Variants in TYW1B observed in about 807,000 individuals in gnomAD.
TYW1B encodes the protein tRNA-yW synthesizing protein 1 homolog B.
A neutral mutation model predicts 86.9 loss-of-function variants in TYW1B; 73 were observed. The ratio of observed to expected loss-of-function variants is 0.84; its 90% CI spans 0.70 to 1.02. The LOEUF is 1.02. Among genes scored for constraint, TYW1B ranks in the 50% least tolerant of loss-of-function variants. The probability of loss-of-function intolerance (pLI) is 0.00; values close to 1 mark genes in which losing one functional copy is unlikely to be tolerated. For missense variants in TYW1B, 637 were observed against 827.4 expected (o/e 0.77, Z 2.82); for synonymous variants, 248 against 292.8 (o/e 0.85, Z 1.56).
chr7:72,759,425 G>A (rs956742628), intron 7 of TYW1B, among the ~76,000 whole-genome samples: 2 of 150,262 alleles, frequency 1.3e-5, no homozygotes, highest in Non-Finnish European at 3.0e-5. Context: ...CTTTGCTCTC[G>A]AGAGATTAAT....
chr7:72,654,093 A>G (rs1237368522), intron 11 of TYW1B, among the ~76,000 whole-genome samples: 8 of 151,710 alleles, frequency 5.3e-5, no homozygotes, highest in Admixed American at 2.6e-4. Flanking sequence ...AAAGAAAAAA[A>G]AAAAAAAAAA....
chr7:72,678,993 T>C (rs1293183665), intron 11 of TYW1B, among the ~76,000 whole-genome samples: 1 of 148,586 alleles, frequency 6.7e-6, no homozygotes, highest in African/African-American at 2.5e-5. Flanking sequence ...TCTGAGCTTC[T>C]TGGGGGACTG....
intron 11 of TYW1B, among the ~76,000 whole-genome samples, chr7:72,653,977 G>A (rs1305323540): frequency 5.3e-5 from 8 of 151,714 alleles, no homozygotes; most frequent in African/African-American, 1.9e-4. Flanking sequence ...CTACTCAGGA[G>A]GCGGAGGCAG....
chr7:72,686,797 G>A (rs1486959216), intron 11 of TYW1B, among the ~76,000 whole-genome samples: 1 of 152,064 alleles, frequency 6.6e-6, no homozygotes, highest in Non-Finnish European at 1.5e-5. Context: ...ATGTATGCAT[G>A]CATGGAATAG....
rs1554455291 is a variant in TYW1B at position 72,713,680 on chromosome 7, G to A, written c.1311C>T (p.Leu437=). 1 of 1,614,014 alleles carries A rather than the reference G, an allele frequency of 6.2e-7. No homozygotes were observed. The highest frequency in any genetic ancestry group is 1.7e-4 in the Middle Eastern group (1 of 6,060). Residue 437 remains leucine (L), a synonymous_variant, in exon 10 of 14, where the codon CTC becomes CTT. Transcript: ENST00000620995. The part of the protein sequence containing the change: ...YPEINRFLKL[L]HQCKISSFLV... ...GGAAGCTGGAGATTTTACACTGGTG[G>A]AGTAGCTTCAAAAACCTGTTGATCT... is the stretch of plus-strand genomic sequence containing the variant.
chr7:72,766,835 G>A (rs530346603), intron 7 of TYW1B, among the ~76,000 whole-genome samples: 1 of 152,208 alleles, frequency 6.6e-6, no homozygotes, highest in East Asian at 1.9e-4. Context: ...GCTGAGGCAG[G>A]AGAATTCCTT....
At position 72,616,904 on chromosome 7, in the gene TYW1B, A is replaced by G; in HGVS notation, c.1618-65T>C. ...TACCTGCATGTCATAGAAGACTTTC[A>G]GAGCCGGAAAGCCTTCTTGAGGTCA... On this transcript the variant is annotated intron_variant, in intron 12 of 13. Transcript: ENST00000620995. 6 of 1,590,552 alleles carry G rather than the reference A, an allele frequency of 3.8e-6. No homozygotes were observed. The South Asian group carries it at 6.8e-5, about 18-fold the overall frequency.
At chr7:72,730,673 TAGAGGAG>T (rs1273060219) in intron 8 of TYW1B, among the ~76,000 whole-genome samples, 3 of 143,848 alleles carry the variant, frequency 2.1e-5, no homozygotes, top group Non-Finnish European at 4.6e-5. Flanking sequence ...GAAGAAAGGA[TAGAGGAG>T]AGAGGAGGAG....
intron 11 of TYW1B, among the ~76,000 whole-genome samples, chr7:72,647,586 G>A (rs1460119685): frequency 6.6e-6 from 1 of 152,122 alleles, no homozygotes; most frequent in East Asian, 1.9e-4. Context: ...AACAATAGCA[G>A]GGTCAATCTA....
chr7:72,705,065 G>T (rs1814580944), intron 10 of TYW1B, among the ~76,000 whole-genome samples: 1 of 152,160 alleles, frequency 6.6e-6, no homozygotes. Flanking sequence ...TCTATTGAAA[G>T]AAACTTCTAT....
At chr7:72,800,157 G>T (rs1443973728) in intron 6 of TYW1B, among the ~76,000 whole-genome samples, 3 of 151,208 alleles carry the variant, frequency 2.0e-5, no homozygotes, top group Non-Finnish European at 4.4e-5. Context: ...CATCCATTTG[G>T]AAATTATTCT....
intron 6 of TYW1B, among the ~76,000 whole-genome samples, chr7:72,796,946 G>T (rs1788315601): frequency 7.1e-6 from 1 of 140,658 alleles, no homozygotes; most frequent in Non-Finnish European, 1.6e-5. Flanking sequence ...TGGGATTACA[G>T]GCACGTACCA....
At chr7:72,651,158 T>C (rs781795605) in intron 11 of TYW1B, among the ~76,000 whole-genome samples, 2 of 152,146 alleles carry the variant, frequency 1.3e-5, no homozygotes, top group African/African-American at 2.4e-5. Flanking sequence ...TATAACACAG[T>C]AGAAAGCTCA....
chr7:72,576,508 T>G (rs1811024282), intron 13 of TYW1B, among the ~76,000 whole-genome samples: 1 of 144,956 alleles, frequency 6.9e-6, no homozygotes, highest in African/African-American at 2.6e-5. Flanking sequence ...CATGCCACTG[T>G]CTTTTTTTTT....
intron 11 of TYW1B, among the ~76,000 whole-genome samples, chr7:72,672,463 TACACACACAAACAC>T (rs1212963689): frequency 8.6e-5 from 5 of 57,836 alleles, no homozygotes; most frequent in African/African-American, 4.4e-4. Flanking sequence ...TATTTGGGCA[TACACACACAAACAC>T]ACACACACAC....
At chr7:72,760,810 T>C (rs1183945699) in intron 7 of TYW1B, among the ~76,000 whole-genome samples, 2 of 152,222 alleles carry the variant, frequency 1.3e-5, no homozygotes, top group Admixed American at 6.5e-5. Context: ...TTTTAAGACA[T>C]CAGGGTTTCA....
intron 6 of TYW1B, among the ~76,000 whole-genome samples, chr7:72,784,144 G>A (rs1438801873): frequency 9.8e-4 from 144 of 147,230 alleles, no homozygotes; most frequent in Non-Finnish European, 9.6e-4. Context: ...ATTTACTGCA[G>A]AAAAAAAAAA....
chr7:72,733,159 AACACACAC>A (rs145935571), intron 8 of TYW1B, among the ~76,000 whole-genome samples: 11 of 147,208 alleles, frequency 7.5e-5, no homozygotes, highest in South Asian at 4.4e-4. Flanking sequence ...CCAAACCTAA[AACACACAC>A]ACACACACAC....
At chr7:72,670,864 C>T (rs1421927865) in intron 11 of TYW1B, among the ~76,000 whole-genome samples, 2 of 152,010 alleles carry the variant, frequency 1.3e-5, no homozygotes, top group African/African-American at 2.4e-5. Context: ...AATTATTTTG[C>T]GTGTTGGTTA....
Sources: allele counts gnomAD v4.1 joint callset (sites outside exome capture counted in the v4.1 genomes callset), GRCh38; gene constraint gnomAD v4.1.1; transcripts MANE v1.5; gene names NCBI Gene and HGNC (gene_info 2026-07-23, HGNC 2026-07-21).